INPP4B: variants seen among roughly 807,000 people sequenced by gnomAD.
INPP4B encodes the protein inositol polyphosphate 4-phosphatase type II.
In INPP4B, 55 loss-of-function variants were observed where a neutral mutation model predicts 122.5. The observed-to-expected ratio is 0.45, with a 90% CI of 0.36 to 0.56. The LOEUF (loss-of-function observed/expected upper bound fraction) is 0.56. Ranked by LOEUF, INPP4B falls within the 20% of genes least tolerant of loss-of-function variation. The probability of loss-of-function intolerance (pLI) is 0.00; values close to 1 mark genes in which losing one functional copy is unlikely to be tolerated. For missense variants in INPP4B, 1,000 were observed against 1,097.7 expected, an observed-to-expected ratio of 0.91 and a Z score of 1.26; for synonymous variants, 403 against 388.7, an observed-to-expected ratio of 1.04 and a Z score of -0.43.
rs978090365 is a variant in INPP4B, at chr4:142,380,407, A to G, written c.372+22531T>C. Among the ~76,000 whole-genome samples, 5 of 152,128 alleles carry G rather than the reference A, an allele frequency of 3.3e-5. No individual in the cohort carries two copies. The South Asian group carries it at 8.3e-4, about 25-fold the overall frequency. On this transcript the variant is annotated intron_variant, in intron 7 of 25. Transcript: ENST00000262992. ...GCCCCTCACTTATCCCTAGGCACTG[A>G]CAGCCCTGTCTCACACCCATCAGTA...
intron 12 of INPP4B, among the ~76,000 whole-genome samples, chr4:142,214,131 TCA>T (rs1303746028): frequency 1.3e-5 from 2 of 152,202 alleles, no homozygotes; most frequent in Non-Finnish European, 2.9e-5. Context: ...GCAGCTCTAG[TCA>T]CAGAGTCCCT....
At chr4:142,842,682 A>C (rs1783657756) in intron 1 of INPP4B, among the ~76,000 whole-genome samples, 1 of 132,036 alleles carries the variant, frequency 7.6e-6, no homozygotes, top group Admixed American at 8.5e-5. Context: ...TAATATTAAT[A>C]TATTAATATA....
chr4:142,253,491 G>C (rs1733619206), intron 11 of INPP4B, among the ~76,000 whole-genome samples: 1 of 152,184 alleles, frequency 6.6e-6, no homozygotes, highest in African/African-American at 2.4e-5. Flanking sequence ...AGGTCAGTGG[G>C]TGCGCGCACC....
chr4:142,310,138 T>A (rs943490867), intron 8 of INPP4B, among the ~76,000 whole-genome samples: 4 of 151,996 alleles, frequency 2.6e-5, no homozygotes, highest in Non-Finnish European at 4.4e-5. Context: ...TTTTTTTTTT[T>A]ATATTACAAT....
chr4:142,755,838 C>T (rs965135606), intron 1 of INPP4B, among the ~76,000 whole-genome samples: 2 of 151,876 alleles, frequency 1.3e-5, no homozygotes, highest in Non-Finnish European at 2.9e-5. Context: ...AAATAGAAAA[C>T]GTTTTTGAGC....
intron 17 of INPP4B, among the ~76,000 whole-genome samples, chr4:142,154,090 G>A (rs1408007238): frequency 6.6e-6 from 1 of 151,994 alleles, no homozygotes; most frequent in Non-Finnish European, 1.5e-5. Flanking sequence ...GGGAACAACT[G>A]GCCCCATTCT....
intron 7 of INPP4B, among the ~76,000 whole-genome samples, chr4:142,355,987 T>C (rs894908527): frequency 1.7e-4 from 26 of 151,592 alleles, no homozygotes; most frequent in Non-Finnish European, 3.5e-4. Context: ...CATACTCCAA[T>C]AGATACTACT....
intron 7 of INPP4B, among the ~76,000 whole-genome samples, chr4:142,344,775 T>C (rs987658796): frequency 6.6e-6 from 1 of 151,970 alleles, no homozygotes; most frequent in Non-Finnish European, 1.5e-5. Flanking sequence ...ATAGGTTTAG[T>C]ACCTGGGGGA....
intron 2 of INPP4B, among the ~76,000 whole-genome samples, chr4:142,532,588 C>T (rs939747286): frequency 1.3e-5 from 2 of 152,110 alleles, no homozygotes; most frequent in African/African-American, 4.8e-5. Context: ...GGCCTTCAAG[C>T]TTCAAAAGAG....
intron 3 of INPP4B, among the ~76,000 whole-genome samples, chr4:142,455,680 G>A (rs1307518493): frequency 6.6e-6 from 1 of 152,036 alleles, no homozygotes; most frequent in African/African-American, 2.4e-5. Flanking sequence ...CCAGCAGTGA[G>A]ATTGCTGGAT....
At chr4:142,190,732 G>GTGTGTT (rs1266056130) in intron 15 of INPP4B, among the ~76,000 whole-genome samples, 1 of 144,746 alleles carries the variant, frequency 6.9e-6, no homozygotes, top group Non-Finnish European at 1.5e-5. Flanking sequence ...GTGTGTGTGT[G>GTGTGTT]TGTGTGTGTG....
chr4:142,071,167 T>C (rs2152484673), intron 25 of INPP4B, among the ~76,000 whole-genome samples: 1 of 152,198 alleles, frequency 6.6e-6, no homozygotes. Flanking sequence ...AACAGAGTCC[T>C]CAGAAATAAT....
intron 1 of INPP4B, chr4:142,767,859 T>A (rs1450042255): frequency 1.3e-5 from 2 of 152,292 alleles, no homozygotes; most frequent in East Asian, 3.9e-4. Flanking sequence ...TGGTTGAGGG[T>A]TGCCCTGAGA....
At chr4:142,125,116 A>C (rs1219912932) in intron 18 of INPP4B, among the ~76,000 whole-genome samples, 1 of 152,054 alleles carries the variant, frequency 6.6e-6, no homozygotes, top group Non-Finnish European at 1.5e-5. Flanking sequence ...TGCAGTTTTC[A>C]CATTAACTTG....
intron 7 of INPP4B, among the ~76,000 whole-genome samples, chr4:142,396,182 C>T (rs968942774): frequency 6.6e-6 from 1 of 151,958 alleles, no homozygotes; most frequent in Non-Finnish European, 1.5e-5. Flanking sequence ...TTAGGCTAAG[C>T]CAAAGACTAA....
At chr4:142,382,380 G>A (rs574701957) in intron 7 of INPP4B, among the ~76,000 whole-genome samples, 9 of 151,492 alleles carry the variant, frequency 5.9e-5, no homozygotes, top group African/African-American at 9.7e-5. Context: ...ATGGTGGCAG[G>A]TGCCTGTAGT....
intron 2 of INPP4B, among the ~76,000 whole-genome samples, chr4:142,492,396 T>C (rs956126273): frequency 3.3e-5 from 5 of 152,008 alleles, no homozygotes; most frequent in African/African-American, 1.2e-4. Flanking sequence ...CAGAAGAAGA[T>C]AGAAAAATGT....
chr4:142,510,085 A>C (rs1824520415), intron 2 of INPP4B, among the ~76,000 whole-genome samples: 1 of 152,246 alleles, frequency 6.6e-6, no homozygotes, highest in Admixed American at 6.5e-5. Context: ...GTTTGTAGAC[A>C]TGCTGAGTCA....
At chr4:142,747,806 T>C (rs1299983500) in intron 1 of INPP4B, among the ~76,000 whole-genome samples, 4 of 151,866 alleles carry the variant, frequency 2.6e-5, no homozygotes, top group Non-Finnish European at 5.9e-5. Context: ...CACTCATAAC[T>C]GGGAGGTGAA....
Sources: gnomAD v4.1 joint callset for allele counts (sites outside exome capture counted in the v4.1 genomes callset) on GRCh38, gnomAD v4.1.1 for gene constraint, MANE v1.5 for transcripts, NCBI Gene and HGNC (gene_info 2026-07-23, HGNC 2026-07-21) for gene names.